TCF7L1: variants seen among roughly 807,000 people sequenced by gnomAD.
TCF7L1 encodes transcription factor 7-like 1.
TCF7L1 carries 18 observed loss-of-function variants against 63.7 expected under a neutral mutation model. The ratio of observed to expected loss-of-function variants is 0.28; its 90% CI spans 0.20 to 0.42. TCF7L1 has a LOEUF of 0.42. Among genes scored for constraint, TCF7L1 ranks in the 10% least tolerant of loss-of-function variants. The probability of loss-of-function intolerance (pLI) is 1.00; values close to 1 mark genes in which losing one functional copy is unlikely to be tolerated. For missense variants in TCF7L1, 654 were observed against 779.3 expected, an observed-to-expected ratio of 0.84 and a Z score of 1.91; for synonymous variants, 355 against 340.9, an observed-to-expected ratio of 1.04 and a Z score of -0.46.
At chr2:85,256,756 G>A (rs1227180475) in intron 3 of TCF7L1, among the ~76,000 whole-genome samples, 1 of 152,144 alleles carries the variant, frequency 6.6e-6, no homozygotes, top group Non-Finnish European at 1.5e-5. Flanking sequence ...GCCGAGGTGG[G>A]TGGATCACCT....
At chr2:85,229,145 G>A (rs1440505571) in intron 3 of TCF7L1, among the ~76,000 whole-genome samples, 4 of 152,134 alleles carry the variant, frequency 2.6e-5, no homozygotes, top group African/African-American at 9.7e-5. Context: ...AAGAGATTGA[G>A]ACCATCCTGG....
chr2:85,184,329 T>C (rs999938388), intron 3 of TCF7L1, among the ~76,000 whole-genome samples: 2 of 152,016 alleles, frequency 1.3e-5, no homozygotes, highest in Non-Finnish European at 2.9e-5. Flanking sequence ...GAACCAGGCC[T>C]GGTATCAGAG....
chr2:85,255,784 G>T (rs1231305680), intron 3 of TCF7L1, among the ~76,000 whole-genome samples: 1 of 152,152 alleles, frequency 6.6e-6, no homozygotes, highest in African/African-American at 2.4e-5. Flanking sequence ...TCCCACGTGG[G>T]GCAGGTGCCC....
At chr2:85,283,633 A>G (rs1681476160) in intron 4 of TCF7L1, 55 bp downstream of exon 4, 1 of 1,568,926 alleles carries the variant, frequency 6.4e-7, no homozygotes, top group Non-Finnish European at 8.8e-7. Flanking sequence ...GCCTCATCCC[A>G]TGCCACTGCC....
chr2:85,167,313 TG>T (rs1203473068), intron 3 of TCF7L1: 2 of 152,174 alleles, frequency 1.3e-5, no homozygotes, highest in Admixed American at 1.3e-4. Flanking sequence ...GCAACCACTA[TG>T]GAAAACAGTA....
chr2:85,289,390 G>T (rs1681633040), intron 4 of TCF7L1, among the ~76,000 whole-genome samples: 1 of 152,184 alleles, frequency 6.6e-6, no homozygotes, highest in Non-Finnish European at 1.5e-5. Flanking sequence ...CTTGGAAATG[G>T]TTGCAGTTCT....
intron 10 of TCF7L1, among the ~76,000 whole-genome samples, chr2:85,307,254 C>G (rs560182670): frequency 6.6e-6 from 1 of 152,144 alleles, no homozygotes; most frequent in Non-Finnish European, 1.5e-5. Flanking sequence ...TTTTCGCATG[C>G]GTGTTCTTCT....
intron 3 of TCF7L1, among the ~76,000 whole-genome samples, chr2:85,156,978 A>G (rs1182873967): frequency 6.6e-6 from 1 of 152,262 alleles, no homozygotes; most frequent in Non-Finnish European, 1.5e-5. Context: ...GTTGCTAACC[A>G]TCTTACAATG....
intron 3 of TCF7L1, among the ~76,000 whole-genome samples, chr2:85,152,797 A>G (rs539514785): frequency 1.3e-5 from 2 of 152,068 alleles, no homozygotes; most frequent in Admixed American, 1.3e-4. Context: ...CCCCTACTTA[A>G]TAGTTGTATA....
chr2:85,243,149 C>T (rs1271126035), intron 3 of TCF7L1, among the ~76,000 whole-genome samples: 3 of 152,294 alleles, frequency 2.0e-5, no homozygotes, highest in South Asian at 4.1e-4. Flanking sequence ...TCAGTTGGCA[C>T]GCAGTTTCGA....
At chr2:85,198,454 G>C (rs1296575796) in intron 3 of TCF7L1, among the ~76,000 whole-genome samples, 1 of 152,190 alleles carries the variant, frequency 6.6e-6, no homozygotes, top group Non-Finnish European at 1.5e-5. Flanking sequence ...GAGGCCTGGA[G>C]TGTCCTCTGT....
intron 4 of TCF7L1, among the ~76,000 whole-genome samples, chr2:85,301,170 A>AG (rs1681963329): frequency 6.6e-6 from 1 of 152,254 alleles, no homozygotes; most frequent in African/African-American, 2.4e-5. Context: ...TCTCTGTGAC[A>AG]GATAAGTTTT....
At chr2:85,204,697 T>G (rs1312395802) in intron 3 of TCF7L1, among the ~76,000 whole-genome samples, 2 of 152,178 alleles carry the variant, frequency 1.3e-5, no homozygotes, top group Non-Finnish European at 2.9e-5. Context: ...TAAATTTTAA[T>G]AAATTCTGCC....
intron 3 of TCF7L1, among the ~76,000 whole-genome samples, chr2:85,251,256 T>G (rs559440304): frequency 6.6e-6 from 1 of 152,368 alleles, no homozygotes; most frequent in South Asian, 2.1e-4. Context: ...TAACCAAGAA[T>G]AGGTCAGTGG....
intron 3 of TCF7L1, among the ~76,000 whole-genome samples, chr2:85,258,119 G>C (rs1241574103): frequency 6.6e-6 from 1 of 152,166 alleles, no homozygotes; most frequent in African/African-American, 2.4e-5. Context: ...TTCATTATCT[G>C]GGATAAAGGT....
Position 85,134,533 on chromosome 2 carries a change from G to A in TCF7L1, c.441+83G>A. On this transcript the variant is annotated intron_variant, in intron 3 of 11. Coordinates refer to ENST00000282111, the MANE Select transcript of TCF7L1 (RefSeq NM_031283.3). This position sits in a 1 kb window ranked among gnomAD's most constrained non-coding sequence, Gnocchi z 5.0. The stretch of plus-strand genomic sequence containing the variant: ...CCCCGGGCTTGGCCATGGAGTGGGG[G>A]ATGGGGCCTTCTGCGCCGATCCCAA... 1 of 1,506,770 alleles carries A rather than the reference G, an allele frequency of 6.6e-7. No individual in the cohort carries two copies. The highest frequency in any genetic ancestry group is 8.9e-7 in the Non-Finnish European group (1 of 1,126,924). The allele number at this position is 1,506,770 out of a possible 1,614,324, so 93.3% of individuals were successfully genotyped here.
chr2:85,241,513 C>A (rs1278059372), intron 3 of TCF7L1, among the ~76,000 whole-genome samples: 1 of 127,972 alleles, frequency 7.8e-6, no homozygotes, highest in East Asian at 2.8e-4. Context: ...ATGGCACCAT[C>A]TTGGCTCACT....
intron 3 of TCF7L1, among the ~76,000 whole-genome samples, chr2:85,171,480 G>A (rs1678543949): frequency 6.6e-6 from 1 of 152,218 alleles, no homozygotes; most frequent in Non-Finnish European, 1.5e-5. Flanking sequence ...TGAGAGCTTT[G>A]TGGTGTGTAC....
chr2:85,259,890 C>T (rs1336529537), intron 3 of TCF7L1, among the ~76,000 whole-genome samples: 1 of 152,158 alleles, frequency 6.6e-6, no homozygotes, highest in East Asian at 1.9e-4. Context: ...CCTGCAGAAG[C>T]TTCCGATCAT....
Sources: allele counts gnomAD v4.1 joint callset (sites outside exome capture counted in the v4.1 genomes callset), GRCh38; gene constraint gnomAD v4.1.1; non-coding constraint Gnocchi (gnomAD v3.1); transcripts MANE v1.5; gene names NCBI Gene and HGNC (gene_info 2026-07-23, HGNC 2026-07-21).